Variants in CCDC50 observed in about 807,000 individuals in gnomAD.
CCDC50 encodes the protein coiled-coil domain-containing protein 50.
In CCDC50, 54 loss-of-function variants were observed where a neutral mutation model predicts 70.2. The ratio of observed to expected loss-of-function variants is 0.77; its 90% CI spans 0.62 to 0.96. CCDC50 has a LOEUF of 0.96. CCDC50 is among the 50% of genes least tolerant of loss of function. CCDC50 has a pLI of 0.00. For missense variants in CCDC50, 558 were observed against 578.7 expected (o/e 0.96, Z 0.37); for synonymous variants, 216 against 198.8 (o/e 1.09, Z -0.73).
At chr3:191,356,575 G>A (rs1712289618) in intron 1 of CCDC50, among the ~76,000 whole-genome samples, 1 of 152,208 alleles carries the variant, frequency 6.6e-6, no homozygotes, top group South Asian at 2.1e-4. Context: ...CCCTACCTGA[G>A]GGACTAGTGA....
intron 11 of CCDC50, among the ~76,000 whole-genome samples, chr3:191,390,267 A>G (rs1190294865): frequency 6.6e-6 from 1 of 152,140 alleles, no homozygotes; most frequent in Non-Finnish European, 1.5e-5. Flanking sequence ...GATTTAAAAT[A>G]TGCATGCACA....
rs1393835731 is a variant in CCDC50 at position 191,393,705 on chromosome 3, A to G, written c.*1945A>G. 6.6e-6 allele frequency: 1 copy of G among 152,210 alleles called. No individual in the cohort carries two copies. Among genetic ancestry groups the G allele is most frequent in the Non-Finnish European group, 1.5e-5 (1 of 68,024 alleles). 9.4% of individuals were successfully genotyped at this position (152,210 alleles called of 1,614,324 possible). ...GTAAAGAAAAACCTCCATTTAAATA[A>G]GGAAGGGGAGACAAAATGGAAGGTC... On this transcript the variant is annotated 3_prime_UTR_variant, in exon 12 of 12. Coordinates refer to ENST00000392455, the MANE Select transcript of CCDC50 (RefSeq NM_178335.3).
intron 1 of CCDC50, among the ~76,000 whole-genome samples, chr3:191,346,230 T>G (rs1711919633): frequency 6.6e-6 from 1 of 152,212 alleles, no homozygotes; most frequent in African/African-American, 2.4e-5. Flanking sequence ...GTTTAGATGC[T>G]TATATTAGAA....
At chr3:191,368,104 G>A (rs1465000516) in intron 4 of CCDC50, among the ~76,000 whole-genome samples, 1 of 151,868 alleles carries the variant, frequency 6.6e-6, no homozygotes, top group Non-Finnish European at 1.5e-5. Context: ...ATAAAGAATT[G>A]AAGTTCCCCC....
At chr3:191,355,380 A>G (rs1475171487) in intron 1 of CCDC50, among the ~76,000 whole-genome samples, 2 of 152,208 alleles carry the variant, frequency 1.3e-5, no homozygotes, top group East Asian at 1.9e-4. Context: ...AAAATTAGAT[A>G]TTAATTAATT....
rs149452378 is a variant in CCDC50, at chr3:191,354,056, A to C, written c.50-3032A>C. On this transcript the variant is annotated intron_variant, in intron 1 of 11. Coordinates refer to ENST00000392455, the MANE Select transcript of CCDC50 (RefSeq NM_178335.3). Reference sequence around the variant, plus strand: ...TCTCACACCTGTTATAATGTGTCAAACCATATCTTCATGTTCATGGTTTAG... The same window carrying C: ...TCTCACACCTGTTATAATGTGTCAACCCATATCTTCATGTTCATGGTTTAG... Among the ~76,000 whole-genome samples the C allele has an allele frequency of 8.5e-4, 130 of 152,284 alleles. 1 individual carries two copies. In the Middle Eastern group the frequency reaches 0.061, roughly 72 times the overall value.
At chr3:191,358,500 T>C (rs954204407) in intron 3 of CCDC50, among the ~76,000 whole-genome samples, 6 of 152,184 alleles carry the variant, frequency 3.9e-5, no homozygotes, top group African/African-American at 1.4e-4. Context: ...CAAATAACTT[T>C]ATGGGTTGTA....
intron 3 of CCDC50, 39 bp from the exon 4 acceptor site, chr3:191,361,026 ATTTT>A (rs1712468276): frequency 7.6e-7 from 1 of 1,308,694 alleles, no homozygotes. Flanking sequence ...GAAATACATT[ATTTT>A]TTATTTTCCT....
chr3:191,357,553 C>A (rs74411532), intron 2 of CCDC50, among the ~76,000 whole-genome samples: 1 of 152,114 alleles, frequency 6.6e-6, no homozygotes, highest in South Asian at 2.1e-4. Flanking sequence ...TTTTCTGAAT[C>A]TTTTTTTCCA....
At chr3:191,370,845 T>A (rs1429282143) in intron 5 of CCDC50, among the ~76,000 whole-genome samples, 2 of 152,160 alleles carry the variant, frequency 1.3e-5, no homozygotes, top group Non-Finnish European at 2.9e-5. Context: ...AAAATTTGAA[T>A]ATGATTTTAT....
At chr3:191,382,867 G>T in intron 10 of CCDC50, 42 bp downstream of exon 10, 1 of 1,425,712 alleles carries the variant, frequency 7.0e-7, no homozygotes, top group South Asian at 1.1e-5. Context: ...AGTTGACTTT[G>T]GGGTGAATAA....
chr3:191,384,560 C>G (rs947272024), intron 10 of CCDC50, among the ~76,000 whole-genome samples: 1 of 152,072 alleles, frequency 6.6e-6, no homozygotes, highest in African/African-American at 2.4e-5. Context: ...GACACAAATT[C>G]TTATGTAGAG....
chr3:191,389,422 G>A, intron 10 of CCDC50, 74 bp from the exon 11 acceptor site: 1 of 1,252,110 alleles, frequency 8.0e-7, no homozygotes, highest in South Asian at 1.2e-5. Flanking sequence ...TTTTTAGCTT[G>A]CAATCCAGTA....
chr3:191,369,238 C>T (rs1306606399), intron 4 of CCDC50, among the ~76,000 whole-genome samples: 3 of 152,042 alleles, frequency 2.0e-5, no homozygotes, highest in Non-Finnish European at 4.4e-5. Context: ...CTTTTGTACT[C>T]CCGTGGAAAT....
At chr3:191,330,789 A>G (rs899315204) in intron 1 of CCDC50, among the ~76,000 whole-genome samples, 2 of 152,180 alleles carry the variant, frequency 1.3e-5, no homozygotes, top group African/African-American at 4.8e-5. Context: ...CAAAAATCTC[A>G]GGAAAATGAG....
chr3:191,366,590 C>G (rs1352242906), intron 4 of CCDC50, among the ~76,000 whole-genome samples: 2 of 151,932 alleles, frequency 1.3e-5, no homozygotes, highest in South Asian at 2.1e-4. Context: ...TTATGTAGAA[C>G]ATTAATTACC....
chr3:191,348,967 A>T (rs1441006857), intron 1 of CCDC50, among the ~76,000 whole-genome samples: 1 of 142,224 alleles, frequency 7.0e-6, no homozygotes, highest in Non-Finnish European at 1.6e-5. Flanking sequence ...ATCAGTGATC[A>T]GCAACTCAGA....
Position 191,331,015 on chromosome 3 carries a change from A to G in CCDC50, c.49+1292A>G, listed in dbSNP as rs543366469. Reference sequence around the variant, plus strand: ...CTTAGGGCTTTCACCTGTAGAAAACAGTTTTCACTCTGCTGTCAAGACTAA... The same window carrying G: ...CTTAGGGCTTTCACCTGTAGAAAACGGTTTTCACTCTGCTGTCAAGACTAA... On this transcript the variant is annotated intron_variant, in intron 1 of 11. Transcript: ENST00000392455. 3.3e-5 allele frequency among the ~76,000 whole-genome samples: 5 copies of G among 152,328 alleles called. No homozygotes were observed. In the South Asian group the frequency reaches 1.0e-3, roughly 32 times the overall value.
intron 1 of CCDC50, among the ~76,000 whole-genome samples, chr3:191,336,896 C>A (rs1307960240): frequency 6.6e-6 from 1 of 152,176 alleles, no homozygotes; most frequent in East Asian, 1.9e-4. Flanking sequence ...CAGGGACCTG[C>A]AAACTACTGC....
Sources: gnomAD v4.1 joint callset for allele counts (sites outside exome capture counted in the v4.1 genomes callset) on GRCh38, gnomAD v4.1.1 for gene constraint, MANE v1.5 for transcripts, NCBI Gene and HGNC (gene_info 2026-07-23, HGNC 2026-07-21) for gene names.